STYXL2: variants seen among roughly 807,000 people sequenced by gnomAD.
STYXL2 encodes the protein serine/threonine/tyrosine interacting like 2.
In STYXL2, 44 loss-of-function variants were observed where a neutral mutation model predicts 52.4. The observed-to-expected ratio is 0.84, with a 90% CI of 0.66 to 1.08. The LOEUF (loss-of-function observed/expected upper bound fraction) is 1.08, where lower values mean the gene tolerates loss of function less well. Ranked by LOEUF, STYXL2 falls within the 50% of genes least tolerant of loss-of-function variation. The pLI, the probability that STYXL2 is intolerant of heterozygous loss-of-function variation, is 0.00. For synonymous variants in STYXL2, 604 were observed against 586.9 expected (o/e 1.03, Z -0.42); for missense variants, 1,604 against 1,471.7 (o/e 1.09, Z -1.47).
Position 167,127,280 on chromosome 1 carries a change from A to G in STYXL2, c.2149A>G (p.Thr717Ala). 6.2e-7 allele frequency: 1 copy of G among 1,614,186 alleles called. No individual in the cohort carries two copies. The highest frequency in any genetic ancestry group is 8.5e-7 in the Non-Finnish European group (1 of 1,180,028). The change falls in exon 6 of 6, where the codon ACC (threonine) becomes GCC (alanine). Residue 717 changes from threonine to alanine, a missense_variant. Physicochemically the swap from Thr to Ala is moderately conservative, Grantham distance 58 (BLOSUM62 0). Coordinates refer to ENST00000361200, the MANE Select transcript of STYXL2 (RefSeq NM_001080426.3). ...LPNLPVGPGD[T>A]ISIASIQNWI... ...TAACCTGCCAGTGGGGCCTGGAGAC[A>G]CCATTTCCATTGCCAGTATCCAGAA...
chr1:167,113,644 A>G (rs1667661141), intron 2 of STYXL2, 66 bp from the exon 3 acceptor site: 1 of 1,241,754 alleles, frequency 8.1e-7, no homozygotes, highest in Non-Finnish European at 1.2e-6. Context: ...CAGGTTTCTC[A>G]TCTAAAAGAA....
At position 167,127,241 on chromosome 1, in the gene STYXL2, A is replaced by G. The variant is rs1035702827; in HGVS notation, c.2110A>G (p.Thr704Ala). ...NIAGCSTSNP[T>A]TPLPNLPVGP... Reference sequence around the variant, plus strand: ...AGCGGGGTGTTCAACCTCCAACCCCACCACACCCCTGCCTAACCTGCCAGT... The same window carrying G: ...AGCGGGGTGTTCAACCTCCAACCCCGCCACACCCCTGCCTAACCTGCCAGT... Residue 704 changes from threonine (T) to alanine (A), a missense_variant, in exon 6 of 6, where the codon ACC becomes GCC. Thr to Ala is a moderately conservative substitution (Grantham distance 58). Transcript: ENST00000361200. 3.1e-6 allele frequency: 5 copies of G among 1,614,008 alleles called. No homozygotes were observed. In the African/African-American group the frequency reaches 6.7e-5, roughly 22 times the overall value.
Position 167,128,798 on chromosome 1 carries a change from C to T in STYXL2, c.*190C>T. 1 of 889,816 alleles carries T rather than the reference C, an allele frequency of 1.1e-6. No homozygotes were observed. Among genetic ancestry groups the T allele is most frequent in the Middle Eastern group, 3.5e-4 (1 of 2,844 alleles). The allele number at this position is 889,816 out of a possible 1,614,324, so 55.1% of individuals were successfully genotyped here. ...GGGAGGAGGCAAGGAGGGGGAGAAC[C>T]ATCAATACGAATACGAGGTCCGAAT... On this transcript the variant is annotated 3_prime_UTR_variant, in exon 6 of 6. Coordinates refer to ENST00000361200, the MANE Select transcript of STYXL2 (RefSeq NM_001080426.3).
In STYXL2 at chr1:167,128,839, C is replaced by A. The variant is rs1668033210; in HGVS notation, c.*231C>A. 3 of 591,526 alleles carry A rather than the reference C, an allele frequency of 5.1e-6. No homozygotes were observed. The South Asian group carries it at 6.9e-5, about 14-fold the overall frequency. 36.6% of individuals were successfully genotyped at this position (591,526 alleles called of 1,614,324 possible). On this transcript the variant is annotated 3_prime_UTR_variant, in exon 6 of 6. Transcript: ENST00000361200. Reference sequence around the variant, plus strand: ...AGGTCCGAATGCGGACCAACTGATACCATTTTCTGTTGCTCAGCGCCCTCT... The same window carrying A: ...AGGTCCGAATGCGGACCAACTGATAACATTTTCTGTTGCTCAGCGCCCTCT...
intron 2 of STYXL2, among the ~76,000 whole-genome samples, chr1:167,101,629 C>G (rs903923933): frequency 3.3e-5 from 5 of 151,990 alleles, no homozygotes; most frequent in Admixed American, 3.3e-4. Context: ...CAGAGTGAAA[C>G]CCCATCTTAA....
Position 167,128,490 on chromosome 1 carries a change from A to G in STYXL2, c.3359A>G (p.Tyr1120Cys), listed in dbSNP as rs200070876. The G allele has an allele frequency of 1.3e-5, 21 of 1,614,022 alleles. No homozygotes were observed. The East Asian group carries it at 1.6e-4, about 12-fold the overall frequency. The part of the protein sequence containing the change: ...GRFASGRRSQ[Y>C]RRSTDREEEE... ...TTTGCATCTGGACGGCGGTCCCAGT[A>G]TCGGAGAAGCACTGACAGGGAGGAA... is the stretch of plus-strand genomic sequence containing the variant. The change falls in exon 6 of 6, where the codon TAT (tyrosine) becomes TGT (cysteine). Residue 1120 changes from tyrosine to cysteine, a missense_variant. By Grantham distance (194) the Tyr-to-Cys change is radical (BLOSUM62 -2). Coordinates refer to ENST00000361200, the MANE Select transcript of STYXL2 (RefSeq NM_001080426.3).
rs951491727 is a variant in STYXL2, at chr1:167,128,868, C to T, written c.*260C>T. 1 of 470,838 alleles carries T rather than the reference C, an allele frequency of 2.1e-6. No homozygotes were observed. The highest frequency in any genetic ancestry group is 3.7e-6 in the Non-Finnish European group (1 of 267,626). The allele number at this position is 470,838 out of a possible 1,614,324, so 29.2% of individuals were successfully genotyped here. ...TTTCTGTTGCTCAGCGCCCTCTAAG[C>T]TTTGGTGTTTCACTTAATGTATTTG... On this transcript the variant is annotated 3_prime_UTR_variant, in exon 6 of 6. Transcript: ENST00000361200.
chr1:167,126,649 C>G lies in STYXL2; in HGVS notation c.1518C>G (p.Asp506Glu), dbSNP rs1201946229. Residue 506 changes from aspartate (D) to glutamate (E), a missense_variant, in exon 6 of 6, where the codon GAC (aspartate) becomes GAG (glutamate). Asp to Glu is a conservative substitution (Grantham distance 45, BLOSUM62 2). Coordinates refer to ENST00000361200, the MANE Select transcript of STYXL2 (RefSeq NM_001080426.3). The stretch of plus-strand genomic sequence containing the variant: ...AGAGCAAGAGAGAGGAGGCGGCAGA[C>G]AGGAGCTCAGAAGCAGGGAGCAGGG... The part of the protein sequence containing the change: ...HAKSKREEAA[D>E]RSSEAGSRVR... 1.2e-6 allele frequency: 2 copies of G among 1,613,990 alleles called. No individual in the cohort carries two copies. Among genetic ancestry groups the G allele is most frequent in the Non-Finnish European group, 1.7e-6 (2 of 1,180,024 alleles).
chr1:167,106,714 T>C (rs1667511882), intron 2 of STYXL2, among the ~76,000 whole-genome samples: 1 of 152,340 alleles, frequency 6.6e-6, no homozygotes, highest in Admixed American at 6.5e-5. Context: ...TCCTGAACCC[T>C]TGGAGCTCAG....
rs944851852 is a variant in STYXL2 at position 167,125,401 on chromosome 1, A to G, written c.656-386A>G. 7.2e-5 allele frequency among the ~76,000 whole-genome samples: 11 copies of G among 152,258 alleles called. No individual in the cohort carries two copies. In the East Asian group the frequency reaches 2.1e-3, roughly 29 times the overall value. ...TGTAAAGGGAATTCTCAAGTTTAGG[A>G]TGTGACTTATGATGCTTCCCAACAC... On this transcript the variant is annotated intron_variant, in intron 5 of 5. Coordinates refer to ENST00000361200, the MANE Select transcript of STYXL2 (RefSeq NM_001080426.3).
At chr1:167,113,544 T>C (rs982412743) in intron 2 of STYXL2, among the ~76,000 whole-genome samples, 166 bp from the exon 3 acceptor site, 1 of 152,242 alleles carries the variant, frequency 6.6e-6, no homozygotes, top group African/African-American at 2.4e-5. Context: ...AGTCACATGA[T>C]ACCCAGTGTT....
Position 167,128,439 on chromosome 1 carries a change from G to A in STYXL2, c.3308G>A (p.Arg1103Lys), listed in dbSNP as rs1397923353. 3.7e-6 allele frequency: 6 copies of A among 1,614,090 alleles called. No homozygotes were observed. Among genetic ancestry groups the A allele is most frequent in the Non-Finnish European group, 5.1e-6 (6 of 1,180,014 alleles). ...MRSEEEGEKE[R>K]TENREEGRFA... is the part of the protein sequence containing the mutation. ...TCTGAAGAAGAGGGAGAGAAAGAGA[G>A]GACAGAAAACAGAGAAGAAGGGAGG... The change falls in exon 6 of 6, where the codon AGG (arginine) becomes AAG (lysine). Residue 1103 changes from arginine (R) to lysine (K), a missense_variant. Arg to Lys is a conservative substitution (Grantham distance 26, BLOSUM62 2). Coordinates refer to ENST00000361200, the MANE Select transcript of STYXL2 (RefSeq NM_001080426.3).
intron 2 of STYXL2, among the ~76,000 whole-genome samples, chr1:167,108,646 G>A (rs200848980): frequency 2.7e-5 from 4 of 148,578 alleles, no homozygotes; most frequent in Admixed American, 6.7e-5. Context: ...TTATGGGGGG[G>A]AAAAATGGCA....
chr1:167,116,275 C>T (rs1344579011), intron 3 of STYXL2, among the ~76,000 whole-genome samples: 1 of 152,170 alleles, frequency 6.6e-6, no homozygotes, highest in African/African-American at 2.4e-5. Context: ...TAAAGATTCA[C>T]CCCAGATGTG....
intron 2 of STYXL2, among the ~76,000 whole-genome samples, chr1:167,103,109 A>G (rs1286670261): frequency 6.6e-6 from 1 of 152,198 alleles, no homozygotes. Flanking sequence ...TTGTGGCAGC[A>G]TAATTCCAAT....
In STYXL2 at chr1:167,117,571, T is replaced by C; in HGVS notation, c.437+12T>C. ...TTCATAGCTGAGAAGTGAGTCTGAC[T>C]GCTCTTCATGACCCTTTGTCCTAAC... On this transcript the variant is annotated intron_variant, in intron 4 of 5. Coordinates refer to ENST00000361200, the MANE Select transcript of STYXL2 (RefSeq NM_001080426.3). 1 of 1,574,188 alleles carries C rather than the reference T, an allele frequency of 6.4e-7. No individual in the cohort carries two copies. Among genetic ancestry groups the C allele is most frequent in the Non-Finnish European group, 8.6e-7 (1 of 1,157,836 alleles).
Position 167,128,777 on chromosome 1 carries a change from G to A in STYXL2, c.*169G>A. 9.2e-7 allele frequency: 1 copy of A among 1,088,538 alleles called. No homozygotes were observed. Among genetic ancestry groups the A allele is most frequent in the South Asian group, 1.7e-5 (1 of 57,384 alleles). The allele number at this position is 1,088,538 out of a possible 1,614,324, so 67.4% of individuals were successfully genotyped here. A position where few individuals can be genotyped will look rare whatever the true frequency, so the allele number is the denominator to read the frequency against. On this transcript the variant is annotated 3_prime_UTR_variant, in exon 6 of 6. Transcript: ENST00000361200. ...AAGGGCAGCAGAGGTGGAGTAGGGA[G>A]GAGGCAAGGAGGGGGAGAACCATCA... is the stretch of plus-strand genomic sequence containing the variant.
chr1:167,095,392 C>T (rs570424378), intron 2 of STYXL2, among the ~76,000 whole-genome samples: 1 of 151,902 alleles, frequency 6.6e-6, no homozygotes, highest in East Asian at 1.9e-4. Context: ...CCCATGGAAG[C>T]ATTCCCTAGC....
rs766675696 is a variant in STYXL2, at chr1:167,128,201, T to C, written c.3070T>C (p.Ser1024Pro). Residue 1024 changes from serine to proline, a missense_variant, in exon 6 of 6, where the codon TCC becomes CCC. Transcript: ENST00000361200. The stretch of plus-strand genomic sequence containing the variant: ...CAGAGAGATGCACAAGTTCTCCAGG[T>C]CCACGTACAACGAGACCTCAAGTTC... ...EGREMHKFSRSTYNETSSSRE... is the reference protein window; with the variant it reads ...EGREMHKFSRPTYNETSSSRE... The C allele has an allele frequency of 6.2e-7, 1 of 1,614,150 alleles. No individual in the cohort carries two copies. The highest frequency in any genetic ancestry group is 8.5e-7 in the Non-Finnish European group (1 of 1,180,036).
Sources: gnomAD v4.1 joint callset for allele counts (sites outside exome capture counted in the v4.1 genomes callset) on GRCh38, gnomAD v4.1.1 for gene constraint, MANE v1.5 for transcripts, NCBI Gene and HGNC (gene_info 2026-07-23, HGNC 2026-07-21) for gene names.